PHF8: variants seen among roughly 807,000 people sequenced by gnomAD.
The protein encoded by PHF8 is PHD finger protein 8, also known as histone lysine demethylase PHF8.
PHF8 carries 9 observed loss-of-function variants against 74.4 expected under a neutral mutation model. That is an observed-to-expected ratio of 0.12 (90% CI 0.07 to 0.21). The LOEUF (loss-of-function observed/expected upper bound fraction) is 0.21, where lower values mean the gene tolerates loss of function less well. Ranked by LOEUF, PHF8 falls within the 10% of genes least tolerant of loss-of-function variation. The pLI is 1.00. For missense variants in PHF8, 478 were observed against 816.6 expected, an observed-to-expected ratio of 0.59 and a Z score of 5.05; for synonymous variants, 311 against 316.6, an observed-to-expected ratio of 0.98 and a Z score of 0.19.
chrX:54,036,984 G>GAAA (rs1557114456), intron 2 of PHF8, among the ~76,000 whole-genome samples: 2 of 100,458 alleles, frequency 2.0e-5, no homozygotes, highest in Non-Finnish European at 4.0e-5. Context: ...TGGGCAACAG[G>GAAA]CTGTTTCAGA....
chrX:54,031,311 C>T (rs781812300), intron 2 of PHF8, among the ~76,000 whole-genome samples: 2 of 110,552 alleles, frequency 1.8e-5, no homozygotes, highest in South Asian at 7.7e-4. Flanking sequence ...ATCTCCTCAA[C>T]CTCTGCCTTC....
intron 18 of PHF8, among the ~76,000 whole-genome samples, chrX:53,966,418 G>A (rs1036976408): frequency 1.2e-3 from 130 of 112,867 alleles, no homozygotes; most frequent in African/African-American, 4.1e-3. Flanking sequence ...TTTTTTGGTG[G>A]AGACTGGGTT....
chrX:54,040,460 A>G (rs1248252141), intron 2 of PHF8, among the ~76,000 whole-genome samples: 4 of 112,291 alleles, frequency 3.6e-5, no homozygotes, highest in African/African-American at 1.3e-4. Flanking sequence ...TGACACAGAT[A>G]TATTTATAAC....
chrX:53,991,692 T>C (rs1409098476), intron 14 of PHF8, among the ~76,000 whole-genome samples: 2 of 91,167 alleles, frequency 2.2e-5, no homozygotes, highest in Non-Finnish European at 4.2e-5. Context: ...AAAACAAAAC[T>C]TGGTATGAGA....
At chrX:53,948,923 G>C (rs1279432985) in intron 19 of PHF8, among the ~76,000 whole-genome samples, 1 of 109,219 alleles carries the variant, frequency 9.2e-6, no homozygotes, top group Non-Finnish European at 1.9e-5. Flanking sequence ...TACTCAGGAG[G>C]CTGAGGGAGG....
intron 18 of PHF8, among the ~76,000 whole-genome samples, chrX:53,982,817 A>G (rs2065499475): frequency 8.9e-6 from 1 of 112,713 alleles, no homozygotes; most frequent in Non-Finnish European, 1.9e-5. Context: ...AAAGAGCTAA[A>G]ATTTTAACTC....
At chrX:53,950,885 GAAAT>G (rs1557086741) in intron 19 of PHF8, among the ~76,000 whole-genome samples, 1 of 111,927 alleles carries the variant, frequency 8.9e-6, no homozygotes, top group East Asian at 2.8e-4. Flanking sequence ...GACATACAAA[GAAAT>G]AAAGTATAGC....
chrX:53,977,002 A>G (rs1557096308), intron 18 of PHF8, among the ~76,000 whole-genome samples: 2 of 112,709 alleles, frequency 1.8e-5, no homozygotes, highest in East Asian at 5.5e-4. Flanking sequence ...ACTCACCTAA[A>G]ATCAAACAGA....
intron 8 of PHF8, among the ~76,000 whole-genome samples, chrX:54,004,923 C>CA (rs5902520): frequency 2.1e-3 from 194 of 92,018 alleles, no homozygotes; most frequent in Admixed American, 5.9e-3. Context: ...AACTCTGTGT[C>CA]AAAAAAAAAA....
chrX:54,014,643 C>A, intron 6 of PHF8, 80 bp from the exon 7 acceptor site: 1 of 663,668 alleles, frequency 1.5e-6, no homozygotes, highest in South Asian at 2.3e-5. Flanking sequence ...CCCCACAGTT[C>A]AGTGAGGGTC....
At chrX:53,992,638 C>G (rs781988187) in intron 14 of PHF8, 98 bp downstream of exon 14, 7 of 536,966 alleles carry the variant, frequency 1.3e-5, no homozygotes, top group Non-Finnish European at 2.3e-5. Context: ...TCCCTCCTAC[C>G]CATGTCCCAA....
intron 9 of PHF8, 58 bp from the exon 10 acceptor site, chrX:54,002,319 T>C (rs2065838892): frequency 6.8e-6 from 5 of 734,965 alleles, no homozygotes; most frequent in Non-Finnish European, 1.1e-5. Context: ...GCACCTACTA[T>C]GAATCAGGTT....
rs951567332 is a variant in PHF8, at chrX:53,953,002, C to T, written c.2540-8759G>A. ...ACTAAGAAAATAACTTGGCCAGGTGCGGTGGCTCGCGCCTGTAATCTCAGC... is the reference window on the plus strand; with the variant it reads ...ACTAAGAAAATAACTTGGCCAGGTGTGGTGGCTCGCGCCTGTAATCTCAGC... On this transcript the variant is annotated intron_variant, in intron 19 of 21. Coordinates refer to ENST00000338154, the MANE Select transcript of PHF8 (RefSeq NM_015107.3). Among the ~76,000 whole-genome samples, 33 of 110,074 alleles carry T rather than the reference C, an allele frequency of 3.0e-4. 1 individual carries two copies. The highest frequency in any genetic ancestry group is 8.6e-4 in the African/African-American group (26 of 30,340).
chrX:53,948,275 G>A (rs999972847), intron 19 of PHF8, among the ~76,000 whole-genome samples: 2 of 111,890 alleles, frequency 1.8e-5, no homozygotes, highest in Admixed American at 1.9e-4. Context: ...TTACACCGGG[G>A]AATGGCGGAT....
chrX:53,984,812 A>T (rs2065534482), intron 18 of PHF8, 102 bp downstream of exon 18: 2 of 666,436 alleles, frequency 3.0e-6, no homozygotes, highest in Admixed American at 2.2e-5. Context: ...GCTTAAGACC[A>T]GGACTTTGTT....
intron 2 of PHF8, among the ~76,000 whole-genome samples, chrX:54,041,236 T>G (rs1231317220): frequency 1.9e-5 from 2 of 108,101 alleles, no homozygotes; most frequent in South Asian, 4.2e-4. Context: ...ACAAAAAAAT[T>G]TGCCGGGCGT....
chrX:53,989,576 T>C (rs1040225725), intron 14 of PHF8, among the ~76,000 whole-genome samples: 1 of 111,813 alleles, frequency 8.9e-6, no homozygotes, highest in East Asian at 2.8e-4. Flanking sequence ...AAATGAACAC[T>C]GCCTTTGTTC....
At chrX:53,952,834 G>A (rs1557087344) in intron 19 of PHF8, among the ~76,000 whole-genome samples, 1 of 103,437 alleles carries the variant, frequency 9.7e-6, no homozygotes, top group South Asian at 4.5e-4. Context: ...AGTGAGCCGA[G>A]CCGAGATGGT....
At chrX:54,009,435 C>T (rs782518671) in intron 8 of PHF8, among the ~76,000 whole-genome samples, 1 of 109,964 alleles carries the variant, frequency 9.1e-6, no homozygotes, top group Non-Finnish European at 1.9e-5. Context: ...AAGCTCTCAT[C>T]TCAAGACTAG....
Sources: gnomAD v4.1 joint callset for allele counts (sites outside exome capture counted in the v4.1 genomes callset) on GRCh38, gnomAD v4.1.1 for gene constraint, MANE v1.5 for transcripts, NCBI Gene and HGNC (gene_info 2026-07-23, HGNC 2026-07-21) for gene names.